The following MEIS2 variants were observed in gnomAD, a reference collection of about 807,000 sequenced individuals.
The protein encoded by MEIS2 is Meis homeobox 2.
Under a neutral mutation model 58.6 loss-of-function variants are expected in MEIS2, and 9 were observed. That is an observed-to-expected ratio of 0.15 (90% CI 0.09 to 0.27). The LOEUF (loss-of-function observed/expected upper bound fraction) is 0.27. Among genes scored for constraint, MEIS2 ranks in the 10% least tolerant of loss-of-function variants. MEIS2 has a pLI of 1.00. For synonymous variants in MEIS2, 221 were observed against 228.4 expected (o/e 0.97, Z 0.29); for missense variants, 427 against 635.0 (o/e 0.67, Z 3.52).
At chr15:36,956,906 AAAGG>A (rs2058998873) in intron 8 of MEIS2, among the ~76,000 whole-genome samples, 1 of 151,434 alleles carries the variant, frequency 6.6e-6, no homozygotes, top group Non-Finnish European at 1.5e-5. Flanking sequence ...AAAAAAAAAA[AAAGG>A]AGAAGCATGA....
intron 9 of MEIS2, among the ~76,000 whole-genome samples, chr15:36,924,171 T>G (rs1446845792): frequency 1.3e-5 from 2 of 152,148 alleles, no homozygotes; most frequent in Admixed American, 1.3e-4. Context: ...GGGCTATAAA[T>G]AATGGCGGGA....
At chr15:37,087,272 T>C (rs756873733) in intron 6 of MEIS2, among the ~76,000 whole-genome samples, 2 of 152,148 alleles carry the variant, frequency 1.3e-5, no homozygotes, top group Non-Finnish European at 2.9e-5. Flanking sequence ...GGGAGTCAAA[T>C]ATGGTACTCT....
intron 8 of MEIS2, among the ~76,000 whole-genome samples, chr15:36,970,385 C>CA (rs1483219998): frequency 5.5e-5 from 8 of 144,494 alleles, no homozygotes; most frequent in Non-Finnish European, 7.5e-5. Flanking sequence ...GCCTGGGCGA[C>CA]AGAGCAAGAC....
chr15:36,973,984 C>T (rs2141477700), intron 8 of MEIS2, among the ~76,000 whole-genome samples: 1 of 152,236 alleles, frequency 6.6e-6, no homozygotes, highest in Admixed American at 6.5e-5. Context: ...CATCAATTTC[C>T]CCCTCGATTT....
chr15:36,900,485 T>A (rs2056412475), intron 9 of MEIS2, among the ~76,000 whole-genome samples: 1 of 152,216 alleles, frequency 6.6e-6, no homozygotes, highest in African/African-American at 2.4e-5. Flanking sequence ...TGAGTATGTG[T>A]GATCCTTAAA....
At chr15:36,982,626 T>C (rs950593184) in intron 8 of MEIS2, among the ~76,000 whole-genome samples, 7 of 152,322 alleles carry the variant, frequency 4.6e-5, no homozygotes, top group African/African-American at 1.2e-4. Context: ...AATGCAGATA[T>C]TTCTTTGACA....
intron 7 of MEIS2, among the ~76,000 whole-genome samples, chr15:37,041,678 C>T (rs529089343): frequency 4.6e-5 from 7 of 152,150 alleles, no homozygotes; most frequent in South Asian, 2.1e-4. Context: ...CAAGGAAGGA[C>T]GTCGGCACAC....
intron 10 of MEIS2, 50 bp from the exon 11 acceptor site, chr15:36,895,311 C>G: frequency 6.6e-7 from 1 of 1,511,064 alleles, no homozygotes; most frequent in East Asian, 2.3e-5. Flanking sequence ...AAAGATATAC[C>G]AAACAATCAG....
intron 8 of MEIS2, among the ~76,000 whole-genome samples, chr15:36,962,908 A>C (rs761687293): frequency 7.2e-5 from 11 of 152,262 alleles, no homozygotes; most frequent in Non-Finnish European, 1.3e-4. Flanking sequence ...ATTTGTATGT[A>C]TGTACCATGA....
intron 6 of MEIS2, among the ~76,000 whole-genome samples, chr15:37,084,418 T>C (rs778863231): frequency 6.6e-6 from 1 of 152,182 alleles, no homozygotes. Flanking sequence ...AAACAACCTA[T>C]ACAAACTCTC....
chr15:37,021,985 T>C lies in MEIS2; in HGVS notation c.900+14829A>G, dbSNP rs112486241. 3.6e-3 allele frequency among the ~76,000 whole-genome samples: 543 copies of C among 152,260 alleles called. 3 individuals carry two copies. The highest frequency in any genetic ancestry group is 0.012 in the African/African-American group (514 of 41,550). ...TTTTTAATGGTTACACAGTAGTCCA[T>C]AACGCTCCATAACATTCCATATCTC... On this transcript the variant is annotated intron_variant, in intron 8 of 11. Transcript: ENST00000561208.
At chr15:37,002,946 A>G (rs2060787295) in intron 8 of MEIS2, among the ~76,000 whole-genome samples, 1 of 152,194 alleles carries the variant, frequency 6.6e-6, no homozygotes, top group Non-Finnish European at 1.5e-5. Context: ...CACTGTTTTT[A>G]TCAGAGCCAT....
intron 8 of MEIS2, among the ~76,000 whole-genome samples, chr15:37,015,485 A>G (rs199885533): frequency 6.6e-6 from 1 of 151,114 alleles, no homozygotes; most frequent in Admixed American, 6.6e-5. Context: ...CACACACACA[A>G]ACACACTTCT....
At chr15:37,041,162 T>C (rs1345195967) in intron 7 of MEIS2, among the ~76,000 whole-genome samples, 5 of 152,204 alleles carry the variant, frequency 3.3e-5, no homozygotes, top group Non-Finnish European at 5.9e-5. Flanking sequence ...AGAAAGAAGC[T>C]ATAGAACATT....
intron 8 of MEIS2, among the ~76,000 whole-genome samples, chr15:37,026,811 T>C (rs77984268): frequency 0.025 from 3,843 of 152,340 alleles, 84 homozygotes; most frequent in Non-Finnish European, 0.035. Context: ...CAAATATTCA[T>C]GTTATCTATT....
intron 8 of MEIS2, among the ~76,000 whole-genome samples, chr15:37,029,956 G>C (rs1174488286): frequency 6.6e-6 from 1 of 152,138 alleles, no homozygotes; most frequent in Non-Finnish European, 1.5e-5. Context: ...TTGAGGCCAC[G>C]AGTTTGAGAC....
In MEIS2 at chr15:36,890,370, C is replaced by T. The variant is rs924894277; in HGVS notation, c.*1803G>A. The T allele has an allele frequency of 2.0e-5, 3 of 151,792 alleles. No individual in the cohort carries two copies. The highest frequency in any genetic ancestry group is 2.1e-4 in the South Asian group (1 of 4,820). 9.4% of individuals were successfully genotyped at this position (151,792 alleles called of 1,614,324 possible). A position where few individuals can be genotyped will look rare whatever the true frequency, so the allele number is the denominator to read the frequency against. On this transcript the variant is annotated 3_prime_UTR_variant, in exon 12 of 12. Transcript: ENST00000561208. ...TAAAATTTTGAAAATGGCATTATAC[C>T]GTCCATTTTGTTTTGTTTTGTTTTC...
chr15:36,999,856 T>G (rs1310570774), intron 8 of MEIS2, among the ~76,000 whole-genome samples: 1 of 152,130 alleles, frequency 6.6e-6, no homozygotes, highest in Non-Finnish European at 1.5e-5. Flanking sequence ...CTACTGGGAG[T>G]GTAATTTTTA....
intron 9 of MEIS2, among the ~76,000 whole-genome samples, chr15:36,904,695 T>C (rs573890569): frequency 2.3e-4 from 35 of 152,166 alleles, no homozygotes. Flanking sequence ...ATCCACTGCC[T>C]GTAATATCAA....
Sources: gnomAD v4.1 joint callset for allele counts (sites outside exome capture counted in the v4.1 genomes callset) on GRCh38, gnomAD v4.1.1 for gene constraint, MANE v1.5 for transcripts, NCBI Gene and HGNC (gene_info 2026-07-23, HGNC 2026-07-21) for gene names.